The following BLZF1 variants were observed in gnomAD, a reference collection of about 807,000 sequenced individuals.
BLZF1 encodes the protein golgin-45.
In BLZF1, 39 loss-of-function variants were observed where a neutral mutation model predicts 43.8. The observed-to-expected ratio is 0.89, with a 90% confidence interval of 0.69 to 1.16. The LOEUF (loss-of-function observed/expected upper bound fraction) is 1.16, where lower values mean the gene tolerates loss of function less well. Among genes scored for constraint, BLZF1 ranks in the 50% most tolerant of loss-of-function variants. The pLI is 0.00. For synonymous variants in BLZF1, 136 were observed against 159.4 expected (o/e 0.85, Z 1.11); for missense variants, 449 against 469.8 (o/e 0.96, Z 0.41).
chr1:169,382,300 T>C lies in BLZF1; in HGVS notation c.1017+19T>C. ...TGAAACGGTAAAATATTTTCTTTTG[T>C]GATCTATGGAACTTCTAACACTGTC... On this transcript the variant is annotated intron_variant, in intron 6 of 6. Coordinates refer to ENST00000367808, the MANE Select transcript of BLZF1 (RefSeq NM_001320973.2). The C allele has an allele frequency of 6.2e-7, 1 of 1,601,528 alleles. No individual in the cohort carries two copies. Among genetic ancestry groups the C allele is most frequent in the Non-Finnish European group, 8.5e-7 (1 of 1,170,410 alleles).
chr1:169,375,527 T>C (rs10919155), intron 2 of BLZF1, among the ~76,000 whole-genome samples: 17,558 of 148,384 alleles, frequency 0.12, 1,103 homozygotes, highest in Admixed American at 0.14. Context: ...ATTGAAATAT[T>C]TTTATACCAC....
downstream of BLZF1, among the ~76,000 whole-genome samples, chr1:169,388,490 C>CAGA (rs1483925692): frequency 3.3e-5 from 5 of 152,072 alleles, no homozygotes; most frequent in Non-Finnish European, 7.4e-5. Context: ...AATATGACAA[C>CAGA]AGAAGCACAG....
In BLZF1 at chr1:169,382,265, A is replaced by C. The variant is rs1654548600; in HGVS notation, c.1001A>C (p.Glu334Ala). The C allele has an allele frequency of 1.2e-6, 2 of 1,613,438 alleles. No homozygotes were observed. Among genetic ancestry groups the C allele is most frequent in the Admixed American group, 1.7e-5 (1 of 59,976 alleles). The change falls in exon 6 of 7, where the codon GAG becomes GCG. Residue 334 changes from glutamate (E) to alanine (A), a missense_variant. By Grantham distance (107) the Glu-to-Ala change is moderately radical (BLOSUM62 -1). Transcript: ENST00000367808. ...STVEFCSTPA[E>A]KMAETVLRIL... ...GTTGAATTCTGCAGCACCCCAGCTGAGAAAATGGCTGAAACGGTAAAATAT... is the reference window on the plus strand; with the variant it reads ...GTTGAATTCTGCAGCACCCCAGCTGCGAAAATGGCTGAAACGGTAAAATAT...
At chr1:169,372,954 A>G (rs1654169799) in intron 2 of BLZF1, among the ~76,000 whole-genome samples, 1 of 152,138 alleles carries the variant, frequency 6.6e-6, no homozygotes, top group Non-Finnish European at 1.5e-5. Flanking sequence ...TGTTCTTCCC[A>G]TTATTAGACC....
intron 2 of BLZF1, among the ~76,000 whole-genome samples, chr1:169,372,570 A>G (rs1435003743): frequency 6.6e-6 from 1 of 152,150 alleles, no homozygotes. Flanking sequence ...TTTAAAATAT[A>G]TACTACCATG....
intron 2 of BLZF1, among the ~76,000 whole-genome samples, chr1:169,374,644 A>G (rs1571435284): frequency 6.6e-6 from 1 of 152,156 alleles, no homozygotes; most frequent in Non-Finnish European, 1.5e-5. Flanking sequence ...ACATTTCTAC[A>G]TGGGAAAAAT....
chr1:169,389,494 A>T (rs1284090142), downstream of BLZF1, among the ~76,000 whole-genome samples: 1 of 152,242 alleles, frequency 6.6e-6, no homozygotes, highest in Non-Finnish European at 1.5e-5. Context: ...GATGTGGAGA[A>T]ATTGGAACCC....
chr1:169,374,395 A>C (rs186837371), intron 2 of BLZF1, among the ~76,000 whole-genome samples: 36 of 152,136 alleles, frequency 2.4e-4, no homozygotes, highest in African/African-American at 8.2e-4. Flanking sequence ...TGTTTTAACT[A>C]ATTTACCAAA....
chr1:169,383,274 T>A (rs1250505597), intron 6 of BLZF1, among the ~76,000 whole-genome samples: 1 of 152,170 alleles, frequency 6.6e-6, no homozygotes, highest in African/African-American at 2.4e-5. Flanking sequence ...CAGCATACAT[T>A]TCTCTCAGAG....
At chr1:169,390,238 T>TA (rs1654785901), downstream of BLZF1, among the ~76,000 whole-genome samples, 1 of 151,484 alleles carries the variant, frequency 6.6e-6, no homozygotes, top group African/African-American at 2.4e-5. Flanking sequence ...GAGCTAAATT[T>TA]AAAAAATAAA....
chr1:169,378,733 C>A (rs1654441499), intron 4 of BLZF1, among the ~76,000 whole-genome samples: 1 of 151,890 alleles, frequency 6.6e-6, no homozygotes, highest in African/African-American at 2.4e-5. Flanking sequence ...ATCCCTTATT[C>A]CTGAGTTCTA....
chr1:169,375,821 C>T (rs866821378), intron 2 of BLZF1, among the ~76,000 whole-genome samples: 3 of 151,678 alleles, frequency 2.0e-5, no homozygotes, highest in Middle Eastern at 6.8e-3. Flanking sequence ...TATACACACA[C>T]ACTACATGCA....
rs1340316975 is a variant in BLZF1 at position 169,377,020 on chromosome 1, A to C, written c.468+41A>C. 2.0e-6 allele frequency: 3 copies of C among 1,501,736 alleles called. No homozygotes were observed. In the African/African-American group the frequency reaches 4.2e-5, roughly 21 times the overall value. 93.0% of individuals were successfully genotyped at this position (1,501,736 alleles called of 1,614,324 possible). ...ATCGATAAAATGAGTACTACTCTTTACGTCTGGACCTTTTAAACGTGCATG... is the reference window on the plus strand; with the variant it reads ...ATCGATAAAATGAGTACTACTCTTTCCGTCTGGACCTTTTAAACGTGCATG... On this transcript the variant is annotated intron_variant, in intron 3 of 6. Coordinates refer to ENST00000367808, the MANE Select transcript of BLZF1 (RefSeq NM_001320973.2).
intron 7 of BLZF1, among the ~76,000 whole-genome samples, chr1:169,394,262 T>C (rs929466349): frequency 6.6e-6 from 1 of 152,232 alleles, no homozygotes; most frequent in Non-Finnish European, 1.5e-5. Context: ...AAGCTCTCAA[T>C]AAAAGTTGGC....
chr1:169,378,751 G>A (rs991661842), intron 4 of BLZF1, among the ~76,000 whole-genome samples: 2 of 151,840 alleles, frequency 1.3e-5, no homozygotes, highest in African/African-American at 4.8e-5. Context: ...CTAGTTTACT[G>A]TATAGTAAAA....
At chr1:169,376,437 C>G in intron 2 of BLZF1, 103 bp from the exon 3 acceptor site, 2 of 948,350 alleles carry the variant, frequency 2.1e-6, no homozygotes, top group Non-Finnish European at 2.9e-6. Context: ...TTTTTGCATT[C>G]TTTTTAGTGC....
chr1:169,382,761 A>G (rs1654562122), intron 6 of BLZF1, among the ~76,000 whole-genome samples: 1 of 152,182 alleles, frequency 6.6e-6, no homozygotes, highest in East Asian at 1.9e-4. Context: ...CATGTCTGTG[A>G]CAACAACCAA....
In BLZF1 at chr1:169,376,948, G is replaced by T; in HGVS notation, c.437G>T (p.Gly146Val). 1 of 1,613,028 alleles carries T rather than the reference G, an allele frequency of 6.2e-7. No homozygotes were observed. Among genetic ancestry groups the T allele is most frequent in the South Asian group, 1.1e-5 (1 of 91,030 alleles). The stretch of plus-strand genomic sequence containing the variant: ...AGAAGGTTACTACAGGACAAAGAAG[G>T]TCTTTCAAACCAGCTCCGTGTACAG... ...SERRLLQDKE[G>V]LSNQLRVQTE... The change falls in exon 3 of 7, where the codon GGT (glycine) becomes GTT (valine). Residue 146 changes from glycine to valine, a missense_variant. Physicochemically the swap from Gly to Val is moderately radical, Grantham distance 109. Coordinates refer to ENST00000367808, the MANE Select transcript of BLZF1 (RefSeq NM_001320973.2).
At chr1:169,368,655 G>A (rs1653990153) in intron 1 of BLZF1, among the ~76,000 whole-genome samples, 1 of 152,226 alleles carries the variant, frequency 6.6e-6, no homozygotes, top group Non-Finnish European at 1.5e-5. Context: ...GGCAGTTTCA[G>A]GGATCGTTAC....
Sources: allele counts gnomAD v4.1 joint callset (sites outside exome capture counted in the v4.1 genomes callset), GRCh38; gene constraint gnomAD v4.1.1; transcripts MANE v1.5; gene names NCBI Gene and HGNC (gene_info 2026-07-23, HGNC 2026-07-21).